The following AKAP13 variants were observed in gnomAD, a reference collection of about 807,000 sequenced individuals.
AKAP13 encodes the protein A-kinase anchoring protein 13.
A neutral mutation model predicts 264.5 loss-of-function variants in AKAP13; 80 were observed. The ratio of observed to expected loss-of-function variants is 0.30; its 90% CI spans 0.25 to 0.36. AKAP13 has a LOEUF of 0.36. AKAP13 is among the 10% of genes least tolerant of loss of function. The pLI is 1.00. For missense variants in AKAP13, 3,712 were observed against 3,435.2 expected, an observed-to-expected ratio of 1.08 and a Z score of -2.01; for synonymous variants, 1,380 against 1,250.2, an observed-to-expected ratio of 1.10 and a Z score of -2.19.
At chr15:85,733,567 G>C (rs1360355583) in intron 30 of AKAP13, among the ~76,000 whole-genome samples, 1 of 151,896 alleles carries the variant, frequency 6.6e-6, no homozygotes, top group Middle Eastern at 3.2e-3. Context: ...CCTTTGCTTT[G>C]GTCTTCTTCA....
chr15:85,436,770 G>A (rs1030148056), intron 1 of AKAP13, among the ~76,000 whole-genome samples: 2 of 151,948 alleles, frequency 1.3e-5, no homozygotes, highest in Non-Finnish European at 2.9e-5. Flanking sequence ...TGAAACCAAC[G>A]AGAACGAAGA....
In AKAP13 at chr15:85,572,349, G is replaced by A. The variant is rs1029345035; in HGVS notation, c.663-2782G>A. 3.9e-5 allele frequency among the ~76,000 whole-genome samples: 6 copies of A among 152,204 alleles called. No individual in the cohort carries two copies. The South Asian group carries it at 1.0e-3, about 26-fold the overall frequency. On this transcript the variant is annotated intron_variant, in intron 5 of 36. Transcript: ENST00000394518. The stretch of plus-strand genomic sequence containing the variant: ...AAGGCATGTTAGTGACTATGTCAAT[G>A]TAGGCTTGAAAGCTACATTGATAGA...
chr15:85,626,579 CCTTT>C (rs2081420513), intron 8 of AKAP13, among the ~76,000 whole-genome samples: 1 of 152,200 alleles, frequency 6.6e-6, no homozygotes, highest in Admixed American at 6.5e-5. Flanking sequence ...GTCAGAATTT[CCTTT>C]CTAAGGCAAA....
chr15:85,414,902 C>T (rs1052389786), intron 1 of AKAP13, among the ~76,000 whole-genome samples: 1 of 151,526 alleles, frequency 6.6e-6, no homozygotes, highest in Non-Finnish European at 1.5e-5. Flanking sequence ...ATTCTGTTTT[C>T]TAAAATGGAT....
At chr15:85,402,326 A>G (rs2071464523) in intron 1 of AKAP13, among the ~76,000 whole-genome samples, 1 of 152,218 alleles carries the variant, frequency 6.6e-6, no homozygotes, top group South Asian at 2.1e-4. Context: ...TCAGTTTGGA[A>G]ACATCTGGAC....
Position 85,399,406 on chromosome 15 carries a change from G to T in AKAP13, c.-12+18608G>T, listed in dbSNP as rs187877372. Among the ~76,000 whole-genome samples the T allele has an allele frequency of 4.0e-3, 595 of 147,626 alleles. 23 individuals carry two copies. The East Asian group carries it at 0.098, about 24-fold the overall frequency. ...AGCTACTCGGGAGGCTGAGGCAGGA[G>T]AATGGCGTGAACCCGGGAAGCGGAG... On this transcript the variant is annotated intron_variant, in intron 1 of 36. Transcript: ENST00000394518.
chr15:85,723,852 G>A (rs569816447), intron 26 of AKAP13, among the ~76,000 whole-genome samples: 14 of 152,212 alleles, frequency 9.2e-5, no homozygotes, highest in South Asian at 2.1e-4. Flanking sequence ...TATGATATTC[G>A]TATATCTTTA....
chr15:85,590,598 G>T (rs2079543663), intron 8 of AKAP13, among the ~76,000 whole-genome samples: 3 of 152,196 alleles, frequency 2.0e-5, no homozygotes, highest in Admixed American at 2.0e-4. Flanking sequence ...AAATGCTGCA[G>T]ATTTCTTGAT....
At chr15:85,433,199 C>T (rs1229555660) in intron 1 of AKAP13, among the ~76,000 whole-genome samples, 1 of 142,140 alleles carries the variant, frequency 7.0e-6, no homozygotes, top group South Asian at 2.2e-4. Context: ...CCCATTTAAC[C>T]AGTTCTCTGT....
At position 85,682,190 on chromosome 15, in the gene AKAP13, A is replaced by T; in HGVS notation, c.5134A>T (p.Thr1712Ser). The T allele has an allele frequency of 6.2e-7, 1 of 1,613,488 alleles. No individual in the cohort carries two copies. The highest frequency in any genetic ancestry group is 8.5e-7 in the Non-Finnish European group (1 of 1,179,922). ...GCCCTTCCACAGTACCTTCCACAAT[A>T]CCAGTGCTAATCTGACTGAGAGGTA... ...SRPFHSTFHN[T>S]SANLTESITE... The change falls in exon 15 of 37, where the codon ACC becomes TCC. Residue 1712 changes from threonine (T) to serine (S), a missense_variant. By Grantham distance (58) the Thr-to-Ser change is moderately conservative. Coordinates refer to ENST00000394518, the MANE Select transcript of AKAP13 (RefSeq NM_007200.5).
chr15:85,396,742 G>A (rs1471507666), intron 1 of AKAP13, among the ~76,000 whole-genome samples: 3 of 152,114 alleles, frequency 2.0e-5, no homozygotes, highest in Admixed American at 2.0e-4. Flanking sequence ...TGAGTAGCCT[G>A]TTTTCCTTTC....
chr15:85,465,353 A>T (rs914993375), intron 1 of AKAP13, among the ~76,000 whole-genome samples: 7 of 152,080 alleles, frequency 4.6e-5, no homozygotes, highest in African/African-American at 1.4e-4. Context: ...TTTAAAAAAA[A>T]TTTTATTATT....
chr15:85,429,785 G>A (rs1905365), intron 1 of AKAP13, among the ~76,000 whole-genome samples: 1 of 152,204 alleles, frequency 6.6e-6, no homozygotes, highest in Non-Finnish European at 1.5e-5. Flanking sequence ...GGGTGGCGCA[G>A]GAATCTGTGA....
intron 17 of AKAP13, among the ~76,000 whole-genome samples, chr15:85,696,594 C>T (rs998450746): frequency 2.0e-5 from 3 of 152,116 alleles, no homozygotes; most frequent in East Asian, 1.9e-4. Context: ...CTCAGAAAAA[C>T]GGGAAGAGGC....
rs146154197 is a variant in AKAP13, at chr15:85,516,304, G to C, written c.34-5124G>C. Among the ~76,000 whole-genome samples the C allele has an allele frequency of 2.1e-3, 316 of 152,242 alleles. 7 individuals carry two copies. The highest frequency in any genetic ancestry group is 0.017 in the Middle Eastern group (5 of 294). On this transcript the variant is annotated intron_variant, in intron 2 of 36. Transcript: ENST00000394518. ...TTATGAGATAAGGTTGATGATTCTT[G>C]TCCTCCATTATGGCATAAGGAAGTT... is the stretch of plus-strand genomic sequence containing the variant.
intron 8 of AKAP13, among the ~76,000 whole-genome samples, chr15:85,637,842 T>G (rs1408537602): frequency 6.6e-6 from 1 of 151,834 alleles, no homozygotes; most frequent in East Asian, 1.9e-4. Context: ...AAATATTTTC[T>G]TCTTTTTCTT....
intron 5 of AKAP13, among the ~76,000 whole-genome samples, chr15:85,563,410 C>G (rs17632140): frequency 0.046 from 6,399 of 137,984 alleles, 280 homozygotes; most frequent in Admixed American, 0.17. Flanking sequence ...TTGTCAGTCT[C>G]TTCAACGCTC....
chr15:85,648,270 A>AT (rs1659016980), intron 10 of AKAP13, among the ~76,000 whole-genome samples: 1 of 147,076 alleles, frequency 6.8e-6, no homozygotes. Context: ...ATGTTTGAAA[A>AT]TTTTAACGTA....
chr15:85,643,667 A>G (rs994938476), intron 9 of AKAP13, among the ~76,000 whole-genome samples: 2 of 152,168 alleles, frequency 1.3e-5, no homozygotes, highest in Non-Finnish European at 2.9e-5. Context: ...AGTGATAGTC[A>G]TTACTTTATA....
Sources: allele counts gnomAD v4.1 joint callset (sites outside exome capture counted in the v4.1 genomes callset), GRCh38; gene constraint gnomAD v4.1.1; transcripts MANE v1.5; gene names NCBI Gene and HGNC (gene_info 2026-07-23, HGNC 2026-07-21).